DSCAM: variants seen among roughly 807,000 people sequenced by gnomAD.
DSCAM encodes the protein DS cell adhesion molecule.
A neutral mutation model predicts 217.7 loss-of-function variants in DSCAM; 47 were observed. The observed-to-expected ratio is 0.22, with a 90% CI of 0.17 to 0.28. DSCAM has a LOEUF of 0.28. Ranked by LOEUF, DSCAM falls within the 10% of genes least tolerant of loss-of-function variation. The probability of loss-of-function intolerance (pLI) is 1.00; values close to 1 mark genes in which losing one functional copy is unlikely to be tolerated. For missense variants in DSCAM, 2,080 were observed against 2,618.3 expected (o/e 0.79, Z 4.49); for synonymous variants, 1,056 against 1,015.3 (o/e 1.04, Z -0.76).
chr21:40,085,858 C>A, intron 22 of DSCAM, 93 bp from the exon 23 acceptor site: 1 of 1,151,124 alleles, frequency 8.7e-7, no homozygotes, highest in South Asian at 2.8e-5. Context: ...GTGAAGCAAA[C>A]CACACATTTG....
chr21:40,479,402 A>T (rs2075963471), intron 3 of DSCAM, among the ~76,000 whole-genome samples: 1 of 152,192 alleles, frequency 6.6e-6, no homozygotes, highest in African/African-American at 2.4e-5. Flanking sequence ...CCTTAGAAAC[A>T]TCTCACATAT....
At chr21:40,397,638 G>A (rs551393612) in intron 3 of DSCAM, among the ~76,000 whole-genome samples, 5 of 152,138 alleles carry the variant, frequency 3.3e-5, no homozygotes, top group South Asian at 4.2e-4. Context: ...TTCATGTGGC[G>A]AGCAGTAGGA....
chr21:40,566,378 T>C (rs1330801058), intron 3 of DSCAM, among the ~76,000 whole-genome samples: 1 of 152,240 alleles, frequency 6.6e-6, no homozygotes, highest in East Asian at 1.9e-4. Context: ...GAATCCCATG[T>C]GATCTACTCT....
intron 15 of DSCAM, among the ~76,000 whole-genome samples, chr21:40,168,163 T>G (rs1236864563): frequency 6.6e-6 from 1 of 152,120 alleles, no homozygotes; most frequent in Non-Finnish European, 1.5e-5. Context: ...AGTGTGCAAT[T>G]TAAAGCAACC....
chr21:40,429,735 G>T (rs1274633474), intron 3 of DSCAM, among the ~76,000 whole-genome samples: 1 of 152,166 alleles, frequency 6.6e-6, no homozygotes, highest in Non-Finnish European at 1.5e-5. Flanking sequence ...CTGGCTTACT[G>T]CCTGGCACAC....
chr21:40,305,484 C>T (rs1283366639), intron 9 of DSCAM, among the ~76,000 whole-genome samples: 2 of 151,138 alleles, frequency 1.3e-5, no homozygotes, highest in African/African-American at 2.4e-5. Flanking sequence ...GTTTCCATTG[C>T]TTTTGGTGTT....
rs183234895 is a variant in DSCAM at position 40,512,993 on chromosome 21, G to A, written c.509-143748C>T. 2.6e-5 allele frequency among the ~76,000 whole-genome samples: 4 copies of A among 152,272 alleles called. No individual in the cohort carries two copies. In the East Asian group the frequency reaches 5.8e-4, roughly 22 times the overall value. ...CTGCTCACCGCAACCTCCGCCTCCC[G>A]TATTCAAGCGATTCTCCTACCTCAG... On this transcript the variant is annotated intron_variant, in intron 3 of 32. Transcript: ENST00000400454.
At chr21:40,479,961 T>G (rs2145984631) in intron 3 of DSCAM, among the ~76,000 whole-genome samples, 1 of 152,310 alleles carries the variant, frequency 6.6e-6, no homozygotes, top group South Asian at 2.1e-4. Context: ...TTGTGCCAGG[T>G]AAATGATAGC....
At chr21:40,804,127 G>A (rs1444452950) in intron 1 of DSCAM, among the ~76,000 whole-genome samples, 3 of 152,280 alleles carry the variant, frequency 2.0e-5, no homozygotes, top group Middle Eastern at 6.8e-3. Flanking sequence ...TGGAGACAGT[G>A]ACCTGTGCAG....
chr21:40,738,147 T>A (rs918299320), intron 1 of DSCAM, among the ~76,000 whole-genome samples: 1 of 152,198 alleles, frequency 6.6e-6, no homozygotes, highest in African/African-American at 2.4e-5. Flanking sequence ...GTTGATTGTA[T>A]TTGCTTGATA....
At chr21:40,403,629 G>GCACACACACA (rs3069908) in intron 3 of DSCAM, among the ~76,000 whole-genome samples, 60 of 145,892 alleles carry the variant, frequency 4.1e-4, no homozygotes, top group Middle Eastern at 3.4e-3. Flanking sequence ...GCATGCATGT[G>GCACACACACA]CACACACACA....
At chr21:40,584,417 T>A (rs13052835) in intron 3 of DSCAM, among the ~76,000 whole-genome samples, 10,012 of 152,208 alleles carry the variant, frequency 0.066, 377 homozygotes, top group South Asian at 0.15. Flanking sequence ...AGGATTGAGA[T>A]CAACTTTCAT....
At position 40,339,317 on chromosome 21, in the gene DSCAM, T is replaced by C. The variant is rs759210272; in HGVS notation, c.1309A>G (p.Thr437Ala). The C allele has an allele frequency of 3.7e-6, 6 of 1,614,020 alleles. No homozygotes were observed. The highest frequency in any genetic ancestry group is 4.2e-6 in the Non-Finnish European group (5 of 1,180,030). The change falls in exon 7 of 33, where the codon ACG (threonine) becomes GCG (alanine). Residue 437 changes from threonine to alanine, a missense_variant. Thr to Ala is a moderately conservative substitution (Grantham distance 58). Coordinates refer to ENST00000400454, the MANE Select transcript of DSCAM (RefSeq NM_001389.5). ...MCNVKGTPLP[T>A]ITWTLDDDPI... ...TCATCGTCCAGGGTCCACGTGATCG[T>C]GGGCAAAGGTGTTCCCTTCACGTTG...
chr21:40,425,579 C>T (rs539521417), intron 3 of DSCAM, among the ~76,000 whole-genome samples: 7 of 142,104 alleles, frequency 4.9e-5, no homozygotes, highest in South Asian at 2.4e-4. Context: ...GGCGTGGTGG[C>T]GGGTGCCTGT....
intron 11 of DSCAM, among the ~76,000 whole-genome samples, chr21:40,240,966 A>C (rs1258023183): frequency 6.6e-6 from 1 of 152,172 alleles, no homozygotes; most frequent in African/African-American, 2.4e-5. Flanking sequence ...CCCCTTCCTT[A>C]CACCACACGC....
chr21:40,247,207 C>G (rs1051331369), intron 11 of DSCAM, among the ~76,000 whole-genome samples: 24 of 152,144 alleles, frequency 1.6e-4, no homozygotes, highest in Admixed American at 4.6e-4. Context: ...TGGGGGGGCA[C>G]AGCCAAACCA....
chr21:40,204,499 T>C (rs1191851213), intron 11 of DSCAM, among the ~76,000 whole-genome samples: 1 of 152,204 alleles, frequency 6.6e-6, no homozygotes, highest in Non-Finnish European at 1.5e-5. Flanking sequence ...TTTAAGAACG[T>C]TCTCATAAAG....
At chr21:40,694,192 G>A (rs796427903) in intron 2 of DSCAM, among the ~76,000 whole-genome samples, 19 of 152,304 alleles carry the variant, frequency 1.2e-4, no homozygotes, top group African/African-American at 4.3e-4. Flanking sequence ...CTTCTTTAGA[G>A]CTTTGTTTTC....
At chr21:40,240,528 G>A (rs1338837635) in intron 11 of DSCAM, among the ~76,000 whole-genome samples, 1 of 151,954 alleles carries the variant, frequency 6.6e-6, no homozygotes, top group Non-Finnish European at 1.5e-5. Flanking sequence ...AATTACATGT[G>A]AGCCTTTTCT....
Sources: allele counts gnomAD v4.1 joint callset (sites outside exome capture counted in the v4.1 genomes callset), GRCh38; gene constraint gnomAD v4.1.1; transcripts MANE v1.5; gene names NCBI Gene and HGNC (gene_info 2026-07-23, HGNC 2026-07-21).